SGCZ: variants seen among roughly 807,000 people sequenced by gnomAD.
The protein encoded by SGCZ is zeta-sarcoglycan.
SGCZ carries 40 observed loss-of-function variants against 41.3 expected under a neutral mutation model. That is an observed-to-expected ratio of 0.97 (90% CI 0.75 to 1.26). The LOEUF (loss-of-function observed/expected upper bound fraction) is 1.26, where lower values mean the gene tolerates loss of function less well. Among genes scored for constraint, SGCZ ranks in the 50% most tolerant of loss-of-function variants. The pLI is 0.00. For missense variants in SGCZ, 552 were observed against 369.8 expected (o/e 1.49, Z -4.04); for synonymous variants, 206 against 137.5 (o/e 1.50, Z -3.49).
chr8:14,742,466 C>T (rs1799223197), intron 1 of SGCZ, among the ~76,000 whole-genome samples: 1 of 152,084 alleles, frequency 6.6e-6, no homozygotes, highest in East Asian at 1.9e-4. Context: ...ACCTATGCCA[C>T]CCATTTAGTG....
chr8:15,106,622 CT>C (rs1254678128), intron 1 of SGCZ, among the ~76,000 whole-genome samples: 2 of 152,010 alleles, frequency 1.3e-5, no homozygotes, highest in African/African-American at 4.8e-5. Flanking sequence ...ATTGAAATGT[CT>C]TACTAGTTTC....
intron 1 of SGCZ, among the ~76,000 whole-genome samples, chr8:14,945,049 G>C (rs1041770828): frequency 1.3e-5 from 2 of 151,414 alleles, no homozygotes; most frequent in African/African-American, 2.4e-5. Context: ...TCCTGTGAAA[G>C]TTTGTGCTAC....
chr8:14,534,861 G>C (rs10101640), intron 2 of SGCZ, among the ~76,000 whole-genome samples: 121,200 of 151,878 alleles, frequency 0.8, 48,712 homozygotes, highest in Middle Eastern at 0.87. Context: ...ATCTAGTACT[G>C]TACCATCTGA....
intron 1 of SGCZ, among the ~76,000 whole-genome samples, chr8:15,152,256 G>A (rs1333082573): frequency 6.6e-6 from 1 of 152,120 alleles, no homozygotes; most frequent in Non-Finnish European, 1.5e-5. Context: ...ACAAAGCAAG[G>A]CAGGAATAGT....
At chr8:15,010,513 G>C (rs186850501) in intron 1 of SGCZ, among the ~76,000 whole-genome samples, 126 of 152,204 alleles carry the variant, frequency 8.3e-4, no homozygotes, top group African/African-American at 2.8e-3. Flanking sequence ...TTAAATTAAA[G>C]TTCAAACTTC....
At chr8:14,248,405 C>T (rs769558103) in intron 3 of SGCZ, among the ~76,000 whole-genome samples, 2 of 151,888 alleles carry the variant, frequency 1.3e-5, no homozygotes, top group Non-Finnish European at 2.9e-5. Flanking sequence ...ATCCCAGATG[C>T]GTATTTGTAT....
chr8:14,785,741 C>G (rs1247946029), intron 1 of SGCZ, among the ~76,000 whole-genome samples: 2 of 152,160 alleles, frequency 1.3e-5, no homozygotes, highest in Non-Finnish European at 2.9e-5. Flanking sequence ...CCCAAATAAA[C>G]AAATTCACAC....
chr8:14,889,503 G>A (rs1804932201), intron 1 of SGCZ, among the ~76,000 whole-genome samples: 1 of 152,102 alleles, frequency 6.6e-6, no homozygotes, highest in Admixed American at 6.5e-5. Context: ...AAACTAATAA[G>A]ACACAGAAAG....
intron 1 of SGCZ, among the ~76,000 whole-genome samples, chr8:14,642,683 A>G (rs559251073): frequency 1.1e-4 from 17 of 151,690 alleles, no homozygotes; most frequent in African/African-American, 4.1e-4. Flanking sequence ...CAACATATAC[A>G]CAAGATAACT....
rs71209089 is a variant in SGCZ, at chr8:14,885,985, T to TTATATATATA, written c.40-331069_40-331060dup. On this transcript the variant is annotated intron_variant, in intron 1 of 7. Coordinates refer to ENST00000382080, the MANE Select transcript of SGCZ (RefSeq NM_139167.4). ...TTTTTTAATCATAAAGGACTTTATGTTATATATATATATATATATATATAT... is the reference window on the plus strand; with the variant it reads ...TTTTTTAATCATAAAGGACTTTATGTTATATATATATATATATATATATATATATATATAT... 7.5e-4 allele frequency among the ~76,000 whole-genome samples: 42 copies of TTATATATATA among 55,966 alleles called. 2 individuals carry two copies. The highest frequency in any genetic ancestry group is 1.0e-3 in the East Asian group (1 of 954). The allele number at this position is 55,966 out of a possible 152,430, so 36.7% of individuals were successfully genotyped here. A position where few individuals can be genotyped will look rare whatever the true frequency, so the allele number is the denominator to read the frequency against.
chr8:14,195,389 A>C (rs1472523615), intron 4 of SGCZ, among the ~76,000 whole-genome samples: 1 of 152,156 alleles, frequency 6.6e-6, no homozygotes, highest in African/African-American at 2.4e-5. Context: ...GAATAAAAAA[A>C]TGAGAATTCA....
intron 1 of SGCZ, among the ~76,000 whole-genome samples, chr8:15,046,454 A>G (rs1436113082): frequency 6.6e-6 from 1 of 152,010 alleles, no homozygotes; most frequent in Non-Finnish European, 1.5e-5. Flanking sequence ...TATTAGTATT[A>G]TTTATCTTGA....
chr8:15,055,147 T>A (rs764718711), intron 1 of SGCZ, among the ~76,000 whole-genome samples: 2 of 152,010 alleles, frequency 1.3e-5, no homozygotes, highest in African/African-American at 4.8e-5. Context: ...ACACTCAGAC[T>A]CCAGCTAGGC....
intron 2 of SGCZ, among the ~76,000 whole-genome samples, chr8:14,453,589 T>C (rs1023679664): frequency 2.0e-5 from 3 of 152,132 alleles, no homozygotes; most frequent in African/African-American, 4.8e-5. Context: ...AAGAAAATGA[T>C]TGAAGGTGGT....
chr8:14,203,862 T>C (rs1365587934), intron 4 of SGCZ, among the ~76,000 whole-genome samples: 1 of 152,010 alleles, frequency 6.6e-6, no homozygotes. Flanking sequence ...GTAAGAGACC[T>C]GTAAGAATTA....
chr8:14,263,345 T>A (rs34284931), intron 3 of SGCZ, among the ~76,000 whole-genome samples: 24,778 of 151,920 alleles, frequency 0.16, 2,195 homozygotes, highest in Admixed American at 0.23. Context: ...GGCCAGGAGT[T>A]TGAAACCAGC....
chr8:15,230,607 C>T (rs1023341427), intron 1 of SGCZ, among the ~76,000 whole-genome samples: 4 of 152,074 alleles, frequency 2.6e-5, no homozygotes, highest in East Asian at 1.9e-4. Flanking sequence ...GATACAAAAA[C>T]GTCATTTTTG....
At chr8:14,967,748 C>T (rs1801167631) in intron 1 of SGCZ, among the ~76,000 whole-genome samples, 1 of 152,058 alleles carries the variant, frequency 6.6e-6, no homozygotes, top group Non-Finnish European at 1.5e-5. Flanking sequence ...ATTTTACTTG[C>T]CATTTATTTC....
intron 5 of SGCZ, among the ~76,000 whole-genome samples, chr8:14,149,929 GAC>G (rs1291911315): frequency 6.6e-6 from 1 of 152,044 alleles, no homozygotes; most frequent in Non-Finnish European, 1.5e-5. Flanking sequence ...ATGGAGAAAA[GAC>G]AGTCTATCAA....
Sources: gnomAD v4.1 joint callset for allele counts (sites outside exome capture counted in the v4.1 genomes callset) on GRCh38, gnomAD v4.1.1 for gene constraint, MANE v1.5 for transcripts, NCBI Gene and HGNC (gene_info 2026-07-23, HGNC 2026-07-21) for gene names.